Variants in FZD4 observed in about 807,000 individuals in gnomAD.
FZD4 encodes the protein frizzled-4.
In FZD4, 16 loss-of-function variants were observed where a neutral mutation model predicts 37.3. The observed-to-expected ratio is 0.43, with a 90% CI of 0.29 to 0.65. FZD4 has a LOEUF of 0.65. Among genes scored for constraint, FZD4 ranks in the 30% least tolerant of loss-of-function variants. The probability of loss-of-function intolerance (pLI) is 0.16; values close to 1 mark genes in which losing one functional copy is unlikely to be tolerated. For missense variants in FZD4, 599 were observed against 674.3 expected (o/e 0.89, Z 1.24); for synonymous variants, 246 against 254.8 (o/e 0.97, Z 0.33).
chr11:86,954,707 G>C (rs1949321055), intron 1 of FZD4, 94 bp downstream of exon 1: 1 of 1,491,324 alleles, frequency 6.7e-7, no homozygotes, highest in South Asian at 1.3e-5. Context: ...TCTCCTTCGG[G>C]CTAGGATGAT....
At position 86,951,955 on chromosome 11, in the gene FZD4, A is replaced by C. The variant is rs1465609375; in HGVS notation, c.801T>G (p.Ile267Met). The change falls in exon 2 of 2, where the codon ATT becomes ATG. Residue 267 changes from isoleucine (I) to methionine (M), a missense_variant. Transcript: ENST00000531380. ...FLSMCYNIYS[I>M]AYIVRLTVGR... Reference sequence around the variant, plus strand: ...CTACAGTCAGCCTGACAATATAAGCAATGCTATAAATATTATAGCACATAC... The same window carrying C: ...CTACAGTCAGCCTGACAATATAAGCCATGCTATAAATATTATAGCACATAC... 2.5e-6 allele frequency: 4 copies of C among 1,613,632 alleles called. No homozygotes were observed. The highest frequency in any genetic ancestry group is 2.7e-5 in the African/African-American group (2 of 74,920).
At position 86,953,967 on chromosome 11, in the gene FZD4, TTC is replaced by T. The variant is rs527788508; in HGVS notation, c.285+832_285+833del. Among the ~76,000 whole-genome samples, 1,123 of 152,268 alleles carry T rather than the reference TTC, an allele frequency of 7.4e-3. 8 individuals are homozygous for T. The highest frequency in any genetic ancestry group is 0.021 in the South Asian group (100 of 4,820). On this transcript the variant is annotated intron_variant, in intron 1 of 1. Coordinates refer to ENST00000531380, the MANE Select transcript of FZD4 (RefSeq NM_012193.4). ...ACTAACGTCTACTTTTTCCCACAAC[TTC>T]TCTCTTTTCTAAATTTCTAAAAATC...
At chr11:86,954,731 G>A in intron 1 of FZD4, 70 bp downstream of exon 1, 6 of 1,523,596 alleles carry the variant, frequency 3.9e-6, no homozygotes, top group East Asian at 2.5e-5. Flanking sequence ...CTTGGCATGG[G>A]CTCTGCAAAG....
Position 86,952,289 on chromosome 11 carries a change from T to C in FZD4, c.467A>G (p.His156Arg). The change falls in exon 2 of 2, where the codon CAC becomes CGC. Residue 156 changes from histidine (H) to arginine (R), a missense_variant. Transcript: ENST00000531380. ...ATCACCTGGCCCTTCCATGCACATG[T>C]GGTTGTGGTCGTTCTGTGGTGGGAA... Reference protein sequence around the residue: ...SKFPPQNDHNHMCMEGPGDEE... With the variant: ...SKFPPQNDHNRMCMEGPGDEE... 1 of 1,614,150 alleles carries C rather than the reference T, an allele frequency of 6.2e-7. No individual in the cohort carries two copies. Among genetic ancestry groups the C allele is most frequent in the Non-Finnish European group, 8.5e-7 (1 of 1,180,010 alleles).
rs1303934819 is a variant in FZD4, at chr11:86,954,782, T to G, written c.285+19A>C. The G allele has an allele frequency of 1.3e-6, 2 of 1,583,456 alleles. No individual in the cohort carries two copies. The highest frequency in any genetic ancestry group is 1.7e-6 in the Non-Finnish European group (2 of 1,165,848). On this transcript the variant is annotated intron_variant, in intron 1 of 1. Transcript: ENST00000531380. The stretch of plus-strand genomic sequence containing the variant: ...CCTCCCCAAGGGGTCCCGCCAGGGG[T>G]GGGGGTGGGGGCGCCCACCTGCAGC...
In FZD4 at chr11:86,950,972, G is replaced by T; in HGVS notation, c.*170C>A. 1.4e-6 allele frequency: 1 copy of T among 710,966 alleles called. No individual in the cohort carries two copies. The highest frequency in any genetic ancestry group is 2.4e-6 in the Non-Finnish European group (1 of 411,046). The allele number at this position is 710,966 out of a possible 1,614,324, so 44.0% of individuals were successfully genotyped here. A position where few individuals can be genotyped will look rare whatever the true frequency, so the allele number is the denominator to read the frequency against. ...TTCCAAAGTCTGCAGCAAAATCATT[G>T]GTTTTTTGATGCTGGGGTCGGGGTG... On this transcript the variant is annotated 3_prime_UTR_variant, in exon 2 of 2. Transcript: ENST00000531380.
chr11:86,953,128 A>G (rs1590944442), intron 1 of FZD4, among the ~76,000 whole-genome samples: 1 of 152,192 alleles, frequency 6.6e-6, no homozygotes, highest in African/African-American at 2.4e-5. Context: ...TAAGTCGCTG[A>G]AACTGCAGTA....
intron 1 of FZD4, among the ~76,000 whole-genome samples, chr11:86,953,135 A>T (rs1190800977): frequency 6.6e-6 from 1 of 152,214 alleles, no homozygotes; most frequent in Non-Finnish European, 1.5e-5. Flanking sequence ...CTGAAACTGC[A>T]GTACCAGCAG....
intron 1 of FZD4, among the ~76,000 whole-genome samples, chr11:86,953,489 CCCA>C (rs986085471): frequency 2.0e-5 from 3 of 152,136 alleles, no homozygotes; most frequent in Non-Finnish European, 2.9e-5. Context: ...AGGTCTAATC[CCCA>C]CCATCTTTCC....
Position 86,951,522 on chromosome 11 carries a change from C to T in FZD4, c.1234G>A (p.Ala412Thr), listed in dbSNP as rs774694389. ...AGATTTGACCGAATTTTGAACAAGG[C>T]CACCAAACCTGCAGCAATGAACAAA... ...GTLFIAAGLV[A>T]LFKIRSNLQK... The change falls in exon 2 of 2, where the codon GCC (alanine) becomes ACC (threonine). Residue 412 changes from alanine to threonine, a missense_variant. Physicochemically the swap from Ala to Thr is moderately conservative, Grantham distance 58. Around this residue, in one of 3 missense-constraint regions of FZD4, gnomAD observed 203 missense variants for 196.8 expected, o/e 1.03. Transcript: ENST00000531380. 7 of 1,614,138 alleles carry T rather than the reference C, an allele frequency of 4.3e-6. No homozygotes were observed. The highest frequency in any genetic ancestry group is 5.9e-6 in the Non-Finnish European group (7 of 1,180,002).
rs777013024 is a variant in FZD4 at position 86,949,163 on chromosome 11, TA to T, written c.*1978del. The T allele has an allele frequency of 6.6e-6, 1 of 152,176 alleles. No homozygotes were observed. The highest frequency in any genetic ancestry group is 1.5e-5 in the Non-Finnish European group (1 of 68,026). The allele number at this position is 152,176 out of a possible 1,614,324, so 9.4% of individuals were successfully genotyped here. A position where few individuals can be genotyped will look rare whatever the true frequency, so the allele number is the denominator to read the frequency against. ...GCAGCAGGGGCCACCTGTGCCCACT[TA>T]ACTTCAGTCTCAAAAGCCAAGACTT... On this transcript the variant is annotated 3_prime_UTR_variant, in exon 2 of 2. Coordinates refer to ENST00000531380, the MANE Select transcript of FZD4 (RefSeq NM_012193.4).
At chr11:86,953,691 A>C (rs965691437) in intron 1 of FZD4, among the ~76,000 whole-genome samples, 2 of 151,866 alleles carry the variant, frequency 1.3e-5, no homozygotes, top group Admixed American at 1.3e-4. Flanking sequence ...ATCCCCGCTC[A>C]CTGCAACCTC....
At chr11:86,954,743 T>A (rs1251644621) in intron 1 of FZD4, 58 bp downstream of exon 1, 1 of 1,538,400 alleles carries the variant, frequency 6.5e-7, no homozygotes, top group Non-Finnish European at 8.8e-7. Context: ...TCTGCAAAGT[T>A]AGTTTGGAGC....
At position 86,951,200 on chromosome 11, in the gene FZD4, CTCTT is replaced by C. The variant is rs1362905683; in HGVS notation, c.1552_1555del (p.Lys518GlufsTer9). 3 of 1,614,114 alleles carry C rather than the reference CTCTT, an allele frequency of 1.9e-6. No homozygotes were observed. The highest frequency in any genetic ancestry group is 2.5e-6 in the Non-Finnish European group (3 of 1,179,952). On this transcript the variant is annotated frameshift_variant, in exon 2 of 2. Transcript: ENST00000531380. LOFTEE classifies it high-confidence loss of function. ...CACCCAACCATTTCCTCTCTTCTCT[CTCTT>C]TACCTTTCCAGAATTCACCAATCTG...
Position 86,951,518 on chromosome 11 carries a change from A to G in FZD4, c.1238T>C (p.Leu413Ser). Residue 413 changes from leucine to serine, a missense_variant, in exon 2 of 2, where the codon TTG becomes TCG. Around this residue, in one of 3 missense-constraint regions of FZD4, gnomAD observed 203 missense variants for 196.8 expected, o/e 1.03. Coordinates refer to ENST00000531380, the MANE Select transcript of FZD4 (RefSeq NM_012193.4). ...TTGAAGATTTGACCGAATTTTGAAC[A>G]AGGCCACCAAACCTGCAGCAATGAA... ...TLFIAAGLVALFKIRSNLQKD... is the reference protein window; with the variant it reads ...TLFIAAGLVASFKIRSNLQKD... 1 of 1,614,180 alleles carries G rather than the reference A, an allele frequency of 6.2e-7. No individual in the cohort carries two copies.
chr11:86,951,002 G>T lies in FZD4; in HGVS notation c.*140C>A. On this transcript the variant is annotated 3_prime_UTR_variant, in exon 2 of 2. Transcript: ENST00000531380. ...TTTGATGCTGGGGTCGGGGTGGGAG[G>T]CAGTGGGTTGACGGGGGTCACTTAA... is the stretch of plus-strand genomic sequence containing the variant. 1 of 878,572 alleles carries T rather than the reference G, an allele frequency of 1.1e-6. No homozygotes were observed. The highest frequency in any genetic ancestry group is 1.9e-6 in the Non-Finnish European group (1 of 531,524). 54.4% of individuals were successfully genotyped at this position (878,572 alleles called of 1,614,324 possible).
rs774888661 is a variant in FZD4 at position 86,951,604 on chromosome 11, G to A, written c.1152C>T (p.Leu384=). 1.4e-5 allele frequency: 22 copies of A among 1,613,970 alleles called. No individual in the cohort carries two copies. The highest frequency in any genetic ancestry group is 3.3e-5 in the Admixed American group (2 of 60,000). The change falls in exon 2 of 2, where the codon CTC becomes CTT. Residue 384 remains leucine, a synonymous_variant. Coordinates refer to ENST00000531380, the MANE Select transcript of FZD4 (RefSeq NM_012193.4). The part of the protein sequence containing the change: ...TGLCYVGNQN[L]DALTGFVVAP... ...CCACCACGAACCCGGTGAGGGCATC[G>A]AGATTTTGGTTTCCAACATAGCACA... is the stretch of plus-strand genomic sequence containing the variant.
chr11:86,952,625 A>T, intron 1 of FZD4, 155 bp from the exon 2 acceptor site: 1 of 721,888 alleles, frequency 1.4e-6, no homozygotes, highest in Non-Finnish European at 2.3e-6. Context: ...TCTGACCTCA[A>T]ACAAGGGCGC....
At chr11:86,953,622 CT>C (rs201227566) in intron 1 of FZD4, among the ~76,000 whole-genome samples, 51 of 146,698 alleles carry the variant, frequency 3.5e-4, no homozygotes, top group African/African-American at 2.0e-4. Context: ...CTTTTCTTTT[CT>C]TTTTTTTTTT....
Sources: allele counts gnomAD v4.1 joint callset (sites outside exome capture counted in the v4.1 genomes callset), GRCh38; gene constraint gnomAD v4.1.1; regional missense constraint gnomAD v4.1.1; transcripts MANE v1.5; gene names NCBI Gene and HGNC (gene_info 2026-07-23, HGNC 2026-07-21).